NUP93: variants seen among roughly 807,000 people sequenced by gnomAD.
NUP93 encodes the protein nucleoporin 93.
Under a neutral mutation model 107.8 loss-of-function variants are expected in NUP93, and 55 were observed. The ratio of observed to expected loss-of-function variants is 0.51; its 90% CI spans 0.41 to 0.64. NUP93 has a LOEUF of 0.64. NUP93 is among the 30% of genes least tolerant of loss of function. The probability of loss-of-function intolerance (pLI) is 0.00; values close to 1 mark genes in which losing one functional copy is unlikely to be tolerated. For synonymous variants in NUP93, 390 were observed against 397.5 expected (o/e 0.98, Z 0.22); for missense variants, 937 against 1,044.7 (o/e 0.90, Z 1.42).
At chr16:56,741,263 C>T (rs1214750490) in intron 1 of NUP93, among the ~76,000 whole-genome samples, 2 of 151,934 alleles carry the variant, frequency 1.3e-5, no homozygotes, top group African/African-American at 4.8e-5. Context: ...TAAAATGTTG[C>T]CAAATTGGCA....
At chr16:56,810,471 G>T (rs950233002) in intron 5 of NUP93, among the ~76,000 whole-genome samples, 3 of 151,780 alleles carry the variant, frequency 2.0e-5, no homozygotes, top group African/African-American at 7.3e-5. Context: ...TCTACAAAAA[G>T]AATTTTTTTA....
At chr16:56,808,496 A>ATAAAATATATAGTTATGTAAC (rs1963219562) in intron 5 of NUP93, among the ~76,000 whole-genome samples, 1 of 122,566 alleles carries the variant, frequency 8.2e-6, no homozygotes, top group Non-Finnish European at 1.6e-5. Flanking sequence ...TTATGTAACT[A>ATAAAATATATAGTTATGTAAC]TATAAATATA....
At chr16:56,786,163 G>T (rs1962623259) in intron 3 of NUP93, among the ~76,000 whole-genome samples, 1 of 152,102 alleles carries the variant, frequency 6.6e-6, no homozygotes, top group Admixed American at 6.5e-5. Context: ...GTGGTTCAAG[G>T]TATGGATTAT....
chr16:56,788,164 C>T (rs1350969901), intron 3 of NUP93, among the ~76,000 whole-genome samples: 4 of 152,310 alleles, frequency 2.6e-5, no homozygotes, highest in Non-Finnish European at 5.9e-5. Flanking sequence ...TGCCTGGCTG[C>T]TCTCCCTCCC....
intron 3 of NUP93, among the ~76,000 whole-genome samples, chr16:56,761,926 G>A (rs1465396810): frequency 1.3e-5 from 2 of 152,202 alleles, no homozygotes; most frequent in Non-Finnish European, 2.9e-5. Flanking sequence ...ACCACCAAAG[G>A]TAGTATATTA....
intron 4 of NUP93, among the ~76,000 whole-genome samples, chr16:56,800,585 A>G (rs1962999277): frequency 6.6e-6 from 1 of 152,178 alleles, no homozygotes; most frequent in Non-Finnish European, 1.5e-5. Context: ...GAGACCTTTG[A>G]CCTGTCTGGA....
chr16:56,796,949 C>T (rs768934166), intron 3 of NUP93, among the ~76,000 whole-genome samples: 2 of 144,066 alleles, frequency 1.4e-5, no homozygotes, highest in Non-Finnish European at 3.0e-5. Flanking sequence ...TCCAGCCTGG[C>T]AACAGAGCGA....
intron 3 of NUP93, among the ~76,000 whole-genome samples, chr16:56,788,735 GT>G (rs1390782743): frequency 6.6e-6 from 1 of 152,240 alleles, no homozygotes; most frequent in Admixed American, 6.5e-5. Flanking sequence ...TCCTCCCCAA[GT>G]GCAGCAACAG....
intron 3 of NUP93, among the ~76,000 whole-genome samples, chr16:56,769,586 C>T (rs1164646141): frequency 6.6e-6 from 1 of 151,420 alleles, no homozygotes; most frequent in Non-Finnish European, 1.5e-5. Flanking sequence ...GTTTGCTGCC[C>T]TACAGGTACA....
chr16:56,764,044 T>C (rs538379074), intron 3 of NUP93, among the ~76,000 whole-genome samples: 2 of 152,350 alleles, frequency 1.3e-5, no homozygotes, highest in Non-Finnish European at 2.9e-5. Context: ...AATAATTGAC[T>C]GTTAAAAACT....
chr16:56,793,988 G>A (rs1215082776), intron 3 of NUP93, among the ~76,000 whole-genome samples: 1 of 152,058 alleles, frequency 6.6e-6, no homozygotes, highest in Admixed American at 6.6e-5. Context: ...CCCGGGAGGT[G>A]GAGGTGCAGT....
At chr16:56,762,857 G>A (rs1237260940) in intron 3 of NUP93, among the ~76,000 whole-genome samples, 2 of 152,028 alleles carry the variant, frequency 1.3e-5, no homozygotes, top group African/African-American at 4.8e-5. Context: ...GGTATCTTCG[G>A]TCTCTTCCTC....
chr16:56,785,590 A>C (rs1382849535), intron 3 of NUP93, among the ~76,000 whole-genome samples: 2 of 152,210 alleles, frequency 1.3e-5, no homozygotes, highest in African/African-American at 4.8e-5. Flanking sequence ...ATAAGCAAGC[A>C]TGTCAGCCAG....
chr16:56,842,422 G>A (rs1296633237), intron 21 of NUP93, among the ~76,000 whole-genome samples: 1 of 152,130 alleles, frequency 6.6e-6, no homozygotes, highest in Non-Finnish European at 1.5e-5. Flanking sequence ...ACCTCCAGCA[G>A]TGCATGGGTC....
At chr16:56,738,021 A>G (rs1237719236) in intron 1 of NUP93, among the ~76,000 whole-genome samples, 3 of 152,262 alleles carry the variant, frequency 2.0e-5, no homozygotes, top group Non-Finnish European at 4.4e-5. Context: ...GTAAGACAGA[A>G]CTAGTATCAT....
Position 56,834,456 on chromosome 16 carries a change from C to T in NUP93, c.1737+14C>T, listed in dbSNP as rs1963869543. ...GAAAGCCGAGAGGTGAGTGGGTTTC[C>T]TTTTCTCTCCTCCCCATGGTTTTCA... On this transcript the variant is annotated intron_variant, in intron 15 of 21. Coordinates refer to ENST00000308159, the MANE Select transcript of NUP93 (RefSeq NM_014669.5). The T allele has an allele frequency of 3.1e-6, 5 of 1,613,024 alleles. No individual in the cohort carries two copies. In the South Asian group the frequency reaches 5.5e-5, roughly 18 times the overall value.
At chr16:56,777,508 T>C (rs1363498579) in intron 3 of NUP93, among the ~76,000 whole-genome samples, 1 of 152,122 alleles carries the variant, frequency 6.6e-6, no homozygotes, top group Non-Finnish European at 1.5e-5. Context: ...AATCTTCTCT[T>C]TTTTTTATTG....
At chr16:56,815,674 C>G (rs1963405724) in intron 5 of NUP93, among the ~76,000 whole-genome samples, 1 of 152,138 alleles carries the variant, frequency 6.6e-6, no homozygotes, top group East Asian at 1.9e-4. Context: ...TCCACTTATT[C>G]CTCACAACAG....
rs1420070713 is a variant in NUP93 at position 56,850,016 on chromosome 16, C to G, written c.*5407C>G. ...AAGAAAGGAAAGAGCCAAAGTACAG[C>G]CTTTTCTCACTTGATCAGTAACTTG... is the stretch of plus-strand genomic sequence containing the variant. On this transcript the variant is annotated 3_prime_UTR_variant, in exon 22 of 22. Transcript: ENST00000308159. 1 of 152,204 alleles carries G rather than the reference C, an allele frequency of 6.6e-6. No individual in the cohort carries two copies. The highest frequency in any genetic ancestry group is 2.4e-5 in the African/African-American group (1 of 41,434). The allele number at this position is 152,204 out of a possible 1,614,324, so 9.4% of individuals were successfully genotyped here. A position where few individuals can be genotyped will look rare whatever the true frequency, so the allele number is the denominator to read the frequency against.
Sources: allele counts gnomAD v4.1 joint callset (sites outside exome capture counted in the v4.1 genomes callset), GRCh38; gene constraint gnomAD v4.1.1; transcripts MANE v1.5; gene names NCBI Gene and HGNC (gene_info 2026-07-23, HGNC 2026-07-21).